Variants in TNN observed in about 807,000 individuals in gnomAD.
TNN encodes tenascin-N.
Under a neutral mutation model 134.4 loss-of-function variants are expected in TNN, and 122 were observed. That is an observed-to-expected ratio of 0.91 (90% CI 0.78 to 1.06). The LOEUF is 1.06. TNN is among the 50% of genes least tolerant of loss of function. The probability of loss-of-function intolerance (pLI) is 0.00; values close to 1 mark genes in which losing one functional copy is unlikely to be tolerated. For synonymous variants in TNN, 710 were observed against 670.3 expected (o/e 1.06, Z -0.91); for missense variants, 1,739 against 1,699.4 (o/e 1.02, Z -0.41).
chr1:175,111,876 C>CTAAA (rs2101831016), intron 9 of TNN, among the ~76,000 whole-genome samples: 1 of 151,882 alleles, frequency 6.6e-6, no homozygotes, highest in East Asian at 1.9e-4. Context: ...TTTATCAGCT[C>CTAAA]TAAGAGTGTC....
Position 175,077,482 on chromosome 1 carries a change from G to T in TNN, c.64G>T (p.Ala22Ser). ...GLLLGSVLLV[A>S]SAPATLEPPG... ...CCTGCTTGGCTCTGTGCTCCTGGTG[G>T]CTTCGGCCCCAGCCACTCTGGAGCC... The change falls in exon 2 of 19, where the codon GCT becomes TCT. Residue 22 changes from alanine to serine, a missense_variant. Transcript: ENST00000239462. 6.2e-7 allele frequency: 1 copy of T among 1,613,874 alleles called. No homozygotes were observed. Among genetic ancestry groups the T allele is most frequent in the South Asian group, 1.1e-5 (1 of 91,074 alleles).
In TNN at chr1:175,094,052, T is replaced by C; in HGVS notation, c.1387T>C (p.Trp463Arg). The change falls in exon 7 of 19, where the codon TGG becomes CGG. Residue 463 changes from tryptophan (W) to arginine (R), a missense_variant. Trp to Arg is a moderately radical substitution (Grantham distance 101). Transcript: ENST00000239462. ...GACTGAAGACACAGCAACTGTCTCC[T>C]GGGACCCAGTGCAGGCTGTCATAGA... The part of the protein sequence containing the change: ...RVTEDTATVS[W>R]DPVQAVIDKY... 6.2e-7 allele frequency: 1 copy of C among 1,614,058 alleles called. No individual in the cohort carries two copies. Among genetic ancestry groups the C allele is most frequent in the Non-Finnish European group, 8.5e-7 (1 of 1,179,884 alleles).
At chr1:175,089,885 GA>G (rs1293370063) in intron 6 of TNN, among the ~76,000 whole-genome samples, 1 of 152,092 alleles carries the variant, frequency 6.6e-6, no homozygotes, top group Non-Finnish European at 1.5e-5. Flanking sequence ...TGTTCCATTT[GA>G]AATGGCTTAG....
chr1:175,082,604 G>C (rs974352129), intron 4 of TNN, among the ~76,000 whole-genome samples: 1 of 152,194 alleles, frequency 6.6e-6, no homozygotes, highest in Admixed American at 6.5e-5. Flanking sequence ...TCAGAGAAAA[G>C]GCTCTGTGAG....
At chr1:175,112,902 C>T (rs1250247894) in intron 9 of TNN, among the ~76,000 whole-genome samples, 1 of 152,046 alleles carries the variant, frequency 6.6e-6, no homozygotes, top group Non-Finnish European at 1.5e-5. Flanking sequence ...GGATTACAGG[C>T]ATGAGCCCTA....
rs989769121 is a variant in TNN at position 175,106,912 on chromosome 1, C to T, written c.2119+8317C>T. Among the ~76,000 whole-genome samples the T allele has an allele frequency of 6.2e-5, 9 of 145,786 alleles. No homozygotes were observed. In the South Asian group the frequency reaches 9.2e-4, roughly 15 times the overall value. ...CTTGACACCCGTGTCTTTAGTCCGGCGGCCCGCTAGTCACTTTTAAATGGC... is the reference window on the plus strand; with the variant it reads ...CTTGACACCCGTGTCTTTAGTCCGGTGGCCCGCTAGTCACTTTTAAATGGC... On this transcript the variant is annotated intron_variant, in intron 9 of 18. Transcript: ENST00000239462.
rs566111194 is a variant in TNN, at chr1:175,094,162, G to A, written c.1497G>A (p.Thr499=). The A allele has an allele frequency of 1.5e-5, 24 of 1,614,146 alleles. No individual in the cohort carries two copies. The highest frequency in any genetic ancestry group is 4.0e-5 in the African/African-American group (3 of 75,042). ...VHKDESSTVL[T]GLKPGEAYKV... The stretch of plus-strand genomic sequence containing the variant: ...AGGATGAGAGCAGCACTGTCCTGAC[G>A]GGCCTGAAGCCAGGAGAGGCATACA... Residue 499 remains threonine, a synonymous_variant, in exon 7 of 19, where the codon ACG becomes ACA. Transcript: ENST00000239462.
At position 175,107,196 on chromosome 1, in the gene TNN, G is replaced by A. The variant is rs1052869761; in HGVS notation, c.2119+8601G>A. On this transcript the variant is annotated intron_variant, in intron 9 of 18. Coordinates refer to ENST00000239462, the MANE Select transcript of TNN (RefSeq NM_022093.2). The stretch of plus-strand genomic sequence containing the variant: ...TGAGTGTTACAGCTCTTAAGGTGGC[G>A]CATCTGGAGTCTGTCCCTTCTGATG... 2.3e-4 allele frequency among the ~76,000 whole-genome samples: 33 copies of A among 146,128 alleles called. 4 individuals carry two copies. The highest frequency in any genetic ancestry group is 2.3e-4 in the South Asian group (1 of 4,364).
At chr1:175,109,710 A>G (rs1220735052) in intron 9 of TNN, among the ~76,000 whole-genome samples, 1 of 149,468 alleles carries the variant, frequency 6.7e-6, no homozygotes, top group African/African-American at 2.4e-5. Context: ...TATTATATAT[A>G]TACACACATA....
rs754161944 is a variant in TNN, at chr1:175,083,855, A to G, written c.1154A>G (p.Tyr385Cys). ...STEVDYYKLRYGPMTGQEVAE... is the reference protein window; with the variant it reads ...STEVDYYKLRCGPMTGQEVAE... ...GAGGTGGACTACTACAAGCTGCGAT[A>G]TGGCCCCATGACAGGACAGGAGGTA... The change falls in exon 5 of 19, where the codon TAT becomes TGT. Residue 385 changes from tyrosine (Y) to cysteine (C), a missense_variant. Coordinates refer to ENST00000239462, the MANE Select transcript of TNN (RefSeq NM_022093.2). 19 of 1,614,078 alleles carry G rather than the reference A, an allele frequency of 1.2e-5. No homozygotes were observed. Among genetic ancestry groups the G allele is most frequent in the East Asian group, 2.2e-5 (1 of 44,882 alleles).
intron 17 of TNN, among the ~76,000 whole-genome samples, chr1:175,143,518 G>GGTGTGTGTGTGTGTGTGT (rs149081442): frequency 2.7e-5 from 4 of 148,642 alleles, no homozygotes; most frequent in African/African-American, 7.3e-5. Context: ...TTTGTGTGTA[G>GGTGTGTGTGTGTGTGTGT]GTGTGTGTGT....
At position 175,128,126 on chromosome 1, in the gene TNN, G is replaced by A; in HGVS notation, c.3140G>A (p.Gly1047Asp). The change falls in exon 14 of 19, where the codon GGT becomes GAT. Residue 1047 changes from glycine to aspartate, a missense_variant. Physicochemically the swap from Gly to Asp is moderately conservative, Grantham distance 94. Coordinates refer to ENST00000239462, the MANE Select transcript of TNN (RefSeq NM_022093.2). ...YPVSLVAFKG[G>D]RRSRNVSTTL... Reference sequence around the variant, plus strand: ...GTCTCCCTTGTTGCCTTTAAGGGTGGTCGCCGGAGCAGAAATGTATCCACC... The same window carrying A: ...GTCTCCCTTGTTGCCTTTAAGGGTGATCGCCGGAGCAGAAATGTATCCACC... 6.2e-7 allele frequency: 1 copy of A among 1,612,596 alleles called. No homozygotes were observed. Among genetic ancestry groups the A allele is most frequent in the South Asian group, 1.1e-5 (1 of 90,970 alleles).
chr1:175,088,544 T>C (rs757304613), intron 6 of TNN, among the ~76,000 whole-genome samples: 7 of 152,206 alleles, frequency 4.6e-5, no homozygotes, highest in Non-Finnish European at 1.0e-4. Flanking sequence ...TGCTTTTATC[T>C]TGGCCTCCGT....
At chr1:175,075,596 A>T (rs181462991) in intron 1 of TNN, among the ~76,000 whole-genome samples, 50 of 152,324 alleles carry the variant, frequency 3.3e-4, no homozygotes, top group African/African-American at 1.2e-3. Context: ...GTGCCCGGCC[A>T]GCATTATTCT....
chr1:175,135,901 T>C lies in TNN; in HGVS notation c.3387T>C (p.Tyr1129=). 6.2e-7 allele frequency: 1 copy of C among 1,613,862 alleles called. No homozygotes were observed. The highest frequency in any genetic ancestry group is 1.3e-5 in the African/African-American group (1 of 75,014). The change falls in exon 16 of 19, where the codon TAT becomes TAC. Residue 1129 remains tyrosine, a synonymous_variant. Transcript: ENST00000239462. ...ATTTCTTCAAGCGATGGAGGAGCTA[T>C]GTGGAAGGCTTTGGGGACCCCATGA... ...QLDFFKRWRS[Y]VEGFGDPMKE...
intron 5 of TNN, 47 bp downstream of exon 5, chr1:175,083,982 G>A (rs767020367): frequency 3.2e-6 from 5 of 1,587,190 alleles, no homozygotes; most frequent in Middle Eastern, 1.7e-4. Context: ...GGATGCAGAG[G>A]TGGGGATAGT....
intron 11 of TNN, among the ~76,000 whole-genome samples, chr1:175,120,495 G>A (rs1553317886): frequency 1.3e-5 from 2 of 152,176 alleles, no homozygotes; most frequent in Non-Finnish European, 2.9e-5. Context: ...TCGTCCAGGA[G>A]ACCCAGGCTT....
At chr1:175,079,780 T>G (rs1674155105) in intron 3 of TNN, 73 bp downstream of exon 3, 1 of 1,484,128 alleles carries the variant, frequency 6.7e-7, no homozygotes. Flanking sequence ...CAATTACACG[T>G]TGTCATCTTT....
Position 175,137,032 on chromosome 1 carries a change from G to A in TNN, c.3595+44G>A, listed in dbSNP as rs199863900. 11 of 1,599,240 alleles carry A rather than the reference G, an allele frequency of 6.9e-6. No homozygotes were observed. In the Admixed American group the frequency reaches 1.5e-4, roughly 22 times the overall value. On this transcript the variant is annotated intron_variant, in intron 17 of 18. Transcript: ENST00000239462. ...TTACTGCGAAGGTCTCTTGCTGTCT[G>A]TTGTGTAAGGATTGGTTTGCCGTGT... is the stretch of plus-strand genomic sequence containing the variant.
Sources: gnomAD v4.1 joint callset for allele counts (sites outside exome capture counted in the v4.1 genomes callset) on GRCh38, gnomAD v4.1.1 for gene constraint, MANE v1.5 for transcripts, NCBI Gene and HGNC (gene_info 2026-07-23, HGNC 2026-07-21) for gene names.